HPGDS: variants seen among roughly 807,000 people sequenced by gnomAD.
The protein encoded by HPGDS is hematopoietic prostaglandin D synthase, also known as GST class-sigma.
A neutral mutation model predicts 23.1 loss-of-function variants in HPGDS; 26 were observed. The observed-to-expected ratio is 1.13, with a 90% CI of 0.83 to 1.56. The LOEUF (loss-of-function observed/expected upper bound fraction) is 1.56. Among genes scored for constraint, HPGDS ranks in the 40% most tolerant of loss-of-function variants. The pLI is 0.00. For synonymous variants in HPGDS, 95 were observed against 77.9 expected, an observed-to-expected ratio of 1.22 and a Z score of -1.16; for missense variants, 268 against 236.4, an observed-to-expected ratio of 1.13 and a Z score of -0.88.
At chr4:94,309,227 C>T (rs886462628) in intron 3 of HPGDS, among the ~76,000 whole-genome samples, 67 of 151,256 alleles carry the variant, frequency 4.4e-4, no homozygotes, top group African/African-American at 1.5e-3. Flanking sequence ...CCCATTAACT[C>T]GTCATTTACA....
At chr4:94,315,183 C>T (rs1000533064) in intron 3 of HPGDS, among the ~76,000 whole-genome samples, 5 of 144,712 alleles carry the variant, frequency 3.5e-5, no homozygotes, top group African/African-American at 1.2e-4. Flanking sequence ...TGAGACAATC[C>T]CCGGTACCTC....
chr4:94,310,710 T>C (rs1756249888), intron 3 of HPGDS, among the ~76,000 whole-genome samples: 1 of 152,220 alleles, frequency 6.6e-6, no homozygotes, highest in South Asian at 2.1e-4. Context: ...GCACTAAATC[T>C]ATAAATTACC....
chr4:94,329,244 A>G (rs1756691696), intron 2 of HPGDS, among the ~76,000 whole-genome samples: 1 of 152,140 alleles, frequency 6.6e-6, no homozygotes, highest in African/African-American at 2.4e-5. Context: ...ATCTCATTTT[A>G]TAAATGAAGG....
chr4:94,306,346 C>T (rs1756138078), intron 4 of HPGDS, among the ~76,000 whole-genome samples: 1 of 152,030 alleles, frequency 6.6e-6, no homozygotes, highest in Admixed American at 6.6e-5. Flanking sequence ...AAATATATAT[C>T]ATTTTGCATT....
At chr4:94,309,016 A>G (rs1404049912) in intron 3 of HPGDS, among the ~76,000 whole-genome samples, 3 of 123,260 alleles carry the variant, frequency 2.4e-5, no homozygotes, top group South Asian at 2.6e-4. Context: ...TCCCCTACAT[A>G]TCTTTCTTTA....
At chr4:94,311,629 G>T (rs1296725762) in intron 3 of HPGDS, among the ~76,000 whole-genome samples, 1 of 151,312 alleles carries the variant, frequency 6.6e-6, no homozygotes, top group African/African-American at 2.5e-5. Flanking sequence ...CCAGGCTTTG[G>T]TATCAGGATG....
intron 1 of HPGDS, among the ~76,000 whole-genome samples, chr4:94,340,305 C>CTCTTTTTTTTTTTTTTTTTTTTTTT (rs1721120053): frequency 7.6e-5 from 2 of 26,198 alleles, no homozygotes; most frequent in Non-Finnish European, 1.4e-4. Flanking sequence ...TTCTTTCTTT[C>CTCTTTTTTTTTTTTTTTTTTTTTTT]TTTCTCTTTT....
rs912836477 is a variant in HPGDS, at chr4:94,298,773, A to G, written c.*707T>C. 1.3e-5 allele frequency: 2 copies of G among 152,120 alleles called. No homozygotes were observed. Among genetic ancestry groups the G allele is most frequent in the Non-Finnish European group, 2.9e-5 (2 of 68,036 alleles). 9.4% of individuals were successfully genotyped at this position (152,120 alleles called of 1,614,324 possible). The stretch of plus-strand genomic sequence containing the variant: ...CTGGCTGCATATCTAGAGCCTTTTG[A>G]GCCGTGTCAGATTCCCACAGTCAGC... On this transcript the variant is annotated 3_prime_UTR_variant, in exon 6 of 6. Coordinates refer to ENST00000295256, the MANE Select transcript of HPGDS (RefSeq NM_014485.3).
At chr4:94,321,118 C>G (rs908508581) in intron 2 of HPGDS, among the ~76,000 whole-genome samples, 4 of 152,120 alleles carry the variant, frequency 2.6e-5, no homozygotes, top group Non-Finnish European at 5.9e-5. Flanking sequence ...TTCCATTGGT[C>G]TATATCTCTG....
intron 1 of HPGDS, among the ~76,000 whole-genome samples, chr4:94,336,748 G>A (rs376388361): frequency 9.2e-5 from 14 of 152,088 alleles, no homozygotes; most frequent in Non-Finnish European, 1.3e-4. Context: ...GAAATGTTGA[G>A]CTTAGAAATA....
intron 1 of HPGDS, among the ~76,000 whole-genome samples, chr4:94,336,044 A>G (rs1459210356): frequency 6.6e-6 from 1 of 151,972 alleles, no homozygotes. Context: ...CATCTCTACT[A>G]AAAATACAAA....
intron 2 of HPGDS, among the ~76,000 whole-genome samples, chr4:94,322,115 A>C (rs868674498): frequency 5.9e-5 from 9 of 151,914 alleles, no homozygotes; most frequent in African/African-American, 2.2e-4. Context: ...GAATGAAGCC[A>C]GCTTGATCTT....
Position 94,306,932 on chromosome 4 carries a change from C to T in HPGDS, c.336+1702G>A, listed in dbSNP as rs563980239. 3.9e-5 allele frequency among the ~76,000 whole-genome samples: 6 copies of T among 151,984 alleles called. 1 individual carries two copies. Among genetic ancestry groups the T allele is most frequent in the South Asian group, 4.2e-4 (2 of 4,812 alleles). The stretch of plus-strand genomic sequence containing the variant: ...TAAAGGACATGGGTCCCAGATTGAA[C>T]GGAATCACCAAGGAAACAGCACAAT... On this transcript the variant is annotated intron_variant, in intron 4 of 5. Transcript: ENST00000295256.
intron 4 of HPGDS, among the ~76,000 whole-genome samples, chr4:94,304,175 A>G (rs1174015689): frequency 6.6e-5 from 10 of 152,080 alleles, no homozygotes; most frequent in South Asian, 2.1e-4. Flanking sequence ...AGTTTAACAA[A>G]TGACTTTTAG....
chr4:94,302,203 A>G lies in HPGDS; in HGVS notation c.378T>C (p.His126=). 6.2e-7 allele frequency: 1 copy of G among 1,612,814 alleles called. No homozygotes were observed. The highest frequency in any genetic ancestry group is 8.5e-7 in the Non-Finnish European group (1 of 1,179,084). ...AATATGTGTCCAAGTCTTGCATAAGATGAGGCGCATTATACGTGAGCAGCT... is the reference window on the plus strand; with the variant it reads ...AATATGTGTCCAAGTCTTGCATAAGGTGAGGCGCATTATACGTGAGCAGCT... ...FNELLTYNAP[H]LMQDLDTYLG... The change falls in exon 5 of 6, where the codon CAT becomes CAC. Residue 126 remains histidine (H), a synonymous_variant. Coordinates refer to ENST00000295256, the MANE Select transcript of HPGDS (RefSeq NM_014485.3).
intron 2 of HPGDS, among the ~76,000 whole-genome samples, chr4:94,318,419 A>C (rs1166797897): frequency 6.6e-6 from 1 of 152,156 alleles, no homozygotes; most frequent in Non-Finnish European, 1.5e-5. Flanking sequence ...TATGGGGTAC[A>C]TGGTATATGC....
chr4:94,302,308 G>A, intron 4 of HPGDS, 64 bp from the exon 5 acceptor site: 7 of 1,092,834 alleles, frequency 6.4e-6, no homozygotes, highest in Non-Finnish European at 9.6e-6. Context: ...ATCTGAGGAG[G>A]AAGTAGATTT....
At chr4:94,309,839 G>C (rs1262326492) in intron 3 of HPGDS, among the ~76,000 whole-genome samples, 1 of 152,062 alleles carries the variant, frequency 6.6e-6, no homozygotes, top group African/African-American at 2.4e-5. Context: ...GTGTGAGATG[G>C]TATCTCATTG....
intron 1 of HPGDS, among the ~76,000 whole-genome samples, chr4:94,342,335 T>G (rs76009563): frequency 0.011 from 1,698 of 152,238 alleles, 36 homozygotes; most frequent in African/African-American, 0.038. Context: ...ATGGAGATGC[T>G]TCAACAAAAT....
Sources: gnomAD v4.1 joint callset for allele counts (sites outside exome capture counted in the v4.1 genomes callset) on GRCh38, gnomAD v4.1.1 for gene constraint, MANE v1.5 for transcripts, NCBI Gene and HGNC (gene_info 2026-07-23, HGNC 2026-07-21) for gene names.